The following HEXB variants were observed in gnomAD, a reference collection of about 807,000 sequenced individuals.
HEXB encodes beta-hexosaminidase subunit beta.
A neutral mutation model predicts 71.2 loss-of-function variants in HEXB; 51 were observed. The ratio of observed to expected loss-of-function variants is 0.72; its 90% confidence interval spans 0.57 to 0.90. HEXB has a LOEUF of 0.90. HEXB is among the 40% of genes least tolerant of loss of function. HEXB has a pLI of 0.00. For missense variants in HEXB, 617 were observed against 677.0 expected (o/e 0.91, Z 0.98); for synonymous variants, 266 against 249.3 (o/e 1.07, Z -0.63).
chr5:74,690,544 C>T (rs749162046), intron 2 of HEXB, among the ~76,000 whole-genome samples: 2 of 151,280 alleles, frequency 1.3e-5, no homozygotes, highest in African/African-American at 2.4e-5. Flanking sequence ...CCCAGCTACT[C>T]GGGAGGCTGA....
intron 1 of HEXB, among the ~76,000 whole-genome samples, chr5:74,678,296 C>A (rs1748672846): frequency 7.4e-6 from 1 of 134,986 alleles, no homozygotes; most frequent in African/African-American, 2.7e-5. Flanking sequence ...GAAACTCCAT[C>A]TCATAAATAA....
chr5:74,700,251 G>C (rs1350555082), intron 5 of HEXB, among the ~76,000 whole-genome samples: 1 of 151,286 alleles, frequency 6.6e-6, no homozygotes, highest in Non-Finnish European at 1.5e-5. Flanking sequence ...CAGGCAATCT[G>C]CCCACCTCGG....
At chr5:74,674,538 A>G (rs893542389) in intron 1 of HEXB, among the ~76,000 whole-genome samples, 1 of 147,742 alleles carries the variant, frequency 6.8e-6, no homozygotes, top group African/African-American at 2.5e-5. Flanking sequence ...CGGGAGGCGG[A>G]GCTTGCAGTG....
At chr5:74,671,816 C>T (rs1175435156) in intron 1 of HEXB, among the ~76,000 whole-genome samples, 1 of 152,120 alleles carries the variant, frequency 6.6e-6, no homozygotes, top group Non-Finnish European at 1.5e-5. Flanking sequence ...GCCTGATGCA[C>T]AGTGAGGTTA....
chr5:74,717,342 A>G (rs953809274), intron 9 of HEXB, among the ~76,000 whole-genome samples: 1 of 152,154 alleles, frequency 6.6e-6, no homozygotes, highest in Non-Finnish European at 1.5e-5. Context: ...TACAGTAGCC[A>G]TAGCCACAGG....
chr5:74,708,383 T>TAA (rs1368567088), intron 6 of HEXB, among the ~76,000 whole-genome samples: 1 of 149,090 alleles, frequency 6.7e-6, no homozygotes, highest in African/African-American at 2.5e-5. Context: ...CTGCATCAAC[T>TAA]AACAAGCAAA....
At chr5:74,656,088 T>C (rs1437413028) in intron 1 of HEXB, among the ~76,000 whole-genome samples, 1 of 152,052 alleles carries the variant, frequency 6.6e-6, no homozygotes. Flanking sequence ...CACCTTGGGG[T>C]TGGTCTCAGC....
At chr5:74,679,135 A>C (rs889223381) in intron 1 of HEXB, among the ~76,000 whole-genome samples, 1 of 152,242 alleles carries the variant, frequency 6.6e-6, no homozygotes, top group Non-Finnish European at 1.5e-5. Context: ...GGGATATATA[A>C]ACTGATACTT....
chr5:74,700,479 A>G (rs1273830392), intron 5 of HEXB, among the ~76,000 whole-genome samples: 1 of 151,792 alleles, frequency 6.6e-6, no homozygotes, highest in Non-Finnish European at 1.5e-5. Context: ...ATATTTAAAA[A>G]AAATTTGTGT....
intron 11 of HEXB, 57 bp downstream of exon 11, chr5:74,719,028 A>C (rs994536977): frequency 1.3e-6 from 2 of 1,531,552 alleles, no homozygotes; most frequent in Non-Finnish European, 1.8e-6. Flanking sequence ...ATGGTAAGTG[A>C]AGCAACCATT....
At chr5:74,691,533 AG>A (rs1749003858) in intron 2 of HEXB, among the ~76,000 whole-genome samples, 1 of 152,252 alleles carries the variant, frequency 6.6e-6, no homozygotes. Context: ...AGAACTGACA[AG>A]ATAAACTGCT....
intron 1 of HEXB, among the ~76,000 whole-genome samples, chr5:74,650,419 A>G (rs1046589975): frequency 2.6e-5 from 4 of 152,234 alleles, no homozygotes; most frequent in African/African-American, 9.6e-5. Flanking sequence ...GATTTACTTG[A>G]TAAACATGAA....
chr5:74,685,218 A>G, upstream of HEXB: 1 of 1,469,056 alleles, frequency 6.8e-7, no homozygotes, highest in Admixed American at 2.4e-5. Flanking sequence ...TCGGGTCCCG[A>G]GGCTCCGGCT....
At chr5:74,715,376 C>T (rs1404423126) in intron 7 of HEXB, 134 bp from the exon 8 acceptor site, 4 of 669,106 alleles carry the variant, frequency 6.0e-6, no homozygotes, top group African/African-American at 5.5e-5. Context: ...ATTACTAGCT[C>T]TTAGTAAACA....
intron 2 of HEXB, 119 bp from the exon 3 acceptor site, chr5:74,693,519 AG>A: frequency 1.3e-6 from 1 of 777,014 alleles, no homozygotes; most frequent in Non-Finnish European, 2.3e-6. Flanking sequence ...TTAGAGAAAT[AG>A]GTCATGTGCT....
At chr5:74,712,175 A>G (rs13161025) in intron 6 of HEXB, among the ~76,000 whole-genome samples, 46,692 of 142,040 alleles carry the variant, frequency 0.33, 10,149 homozygotes, top group African/African-American at 0.64. Context: ...GTAAACTATC[A>G]CAAGAACAAA....
chr5:74,661,596 A>C (rs1398172238), intron 1 of HEXB, among the ~76,000 whole-genome samples: 2 of 136,468 alleles, frequency 1.5e-5, no homozygotes, highest in African/African-American at 5.6e-5. Context: ...TCATCTTGCC[A>C]ATGTTGCCTA....
At chr5:74,684,124 A>G (rs540173421), upstream of HEXB, among the ~76,000 whole-genome samples, 1 of 152,110 alleles carries the variant, frequency 6.6e-6, no homozygotes. Context: ...TGGCCTAATC[A>G]TTACATTTCT....
intron 6 of HEXB, among the ~76,000 whole-genome samples, chr5:74,708,644 G>C (rs904658481): frequency 3.9e-5 from 6 of 152,034 alleles, no homozygotes; most frequent in Admixed American, 3.3e-4. Flanking sequence ...TGCAATCCTA[G>C]TCTCTGATAA....
Sources: allele counts gnomAD v4.1 joint callset (sites outside exome capture counted in the v4.1 genomes callset), GRCh38; gene constraint gnomAD v4.1.1; transcripts MANE v1.5; gene names NCBI Gene and HGNC (gene_info 2026-07-23, HGNC 2026-07-21).